The following ANTXR1 variants were observed in gnomAD, a reference collection of about 807,000 sequenced individuals.
The protein encoded by ANTXR1 is ANTXR cell adhesion molecule 1.
Under a neutral mutation model 78.1 loss-of-function variants are expected in ANTXR1, and 19 were observed. The observed-to-expected ratio is 0.24, with a 90% CI of 0.17 to 0.36. ANTXR1 has a LOEUF of 0.36. Ranked by LOEUF, ANTXR1 falls within the 10% of genes least tolerant of loss-of-function variation. The pLI is 1.00. For missense variants in ANTXR1, 518 were observed against 718.6 expected (o/e 0.72, Z 3.19); for synonymous variants, 273 against 260.5 (o/e 1.05, Z -0.46).
intron 17 of ANTXR1, among the ~76,000 whole-genome samples, chr2:69,202,154 AC>A (rs1421045219): frequency 6.6e-6 from 1 of 152,076 alleles, no homozygotes; most frequent in African/African-American, 2.4e-5. Flanking sequence ...TAAGCACTGA[AC>A]CCTGAGGGTC....
intron 6 of ANTXR1, among the ~76,000 whole-genome samples, chr2:69,073,642 C>A (rs1349016517): frequency 6.6e-6 from 1 of 152,038 alleles, no homozygotes; most frequent in African/African-American, 2.4e-5. Context: ...AAAAATTATT[C>A]CTCAAGGCAA....
At chr2:69,224,540 G>C (rs879311426) in intron 17 of ANTXR1, among the ~76,000 whole-genome samples, 1 of 152,010 alleles carries the variant, frequency 6.6e-6, no homozygotes, top group Non-Finnish European at 1.5e-5. Flanking sequence ...CTACTTCCAA[G>C]TTTCAGAACT....
chr2:69,178,453 T>A (rs1027664866), intron 14 of ANTXR1, among the ~76,000 whole-genome samples: 2 of 152,142 alleles, frequency 1.3e-5, no homozygotes, highest in Non-Finnish European at 2.9e-5. Flanking sequence ...CATTTCCTGT[T>A]GCGAGAAGGC....
At chr2:69,047,157 A>C (rs1404404236) in intron 3 of ANTXR1, among the ~76,000 whole-genome samples, 2 of 152,162 alleles carry the variant, frequency 1.3e-5, no homozygotes, top group African/African-American at 4.8e-5. Flanking sequence ...ACTTGAGTGC[A>C]TGGATTTGGT....
intron 8 of ANTXR1, among the ~76,000 whole-genome samples, chr2:69,084,263 G>A (rs1184622448): frequency 6.6e-6 from 1 of 152,200 alleles, no homozygotes; most frequent in African/African-American, 2.4e-5. Flanking sequence ...CTGCAGACAT[G>A]AGAAGAAAGT....
At chr2:69,036,020 T>C (rs772864199) in intron 1 of ANTXR1, among the ~76,000 whole-genome samples, 1 of 152,248 alleles carries the variant, frequency 6.6e-6, no homozygotes, top group Admixed American at 6.5e-5. Flanking sequence ...GGTGACACTT[T>C]TCAATAAGTA....
At chr2:69,171,147 A>C (rs1673972511) in intron 14 of ANTXR1, among the ~76,000 whole-genome samples, 1 of 152,258 alleles carries the variant, frequency 6.6e-6, no homozygotes, top group Admixed American at 6.5e-5. Context: ...ATCAAGTGCC[A>C]GTTCCTCACC....
chr2:69,235,478 T>C (rs1675734280), intron 17 of ANTXR1, among the ~76,000 whole-genome samples: 1 of 151,820 alleles, frequency 6.6e-6, no homozygotes, highest in East Asian at 2.0e-4. Context: ...GGTGAAACCC[T>C]GTCTCTACCA....
At chr2:69,104,835 G>A (rs1290588106) in intron 10 of ANTXR1, among the ~76,000 whole-genome samples, 1 of 152,212 alleles carries the variant, frequency 6.6e-6, no homozygotes, top group Non-Finnish European at 1.5e-5. Flanking sequence ...TGTAATCCCA[G>A]CACTTTGGGA....
intron 3 of ANTXR1, among the ~76,000 whole-genome samples, chr2:69,064,873 G>T (rs757440778): frequency 3.9e-5 from 6 of 152,162 alleles, no homozygotes; most frequent in Middle Eastern, 3.2e-3. Context: ...GTGGGATGCA[G>T]CTAAAGTCAC....
chr2:69,182,395 T>C (rs183784032), intron 15 of ANTXR1, 98 bp from the exon 16 acceptor site: 44 of 1,415,082 alleles, frequency 3.1e-5, no homozygotes, highest in Non-Finnish European at 2.0e-6. Flanking sequence ...CAGGGTTGGG[T>C]AGCATTCACA....
At chr2:69,080,574 C>G (rs1573852326) in intron 8 of ANTXR1, among the ~76,000 whole-genome samples, 1 of 152,180 alleles carries the variant, frequency 6.6e-6, no homozygotes, top group Non-Finnish European at 1.5e-5. Flanking sequence ...TTATGGCAGG[C>G]TCTGACCATT....
chr2:69,075,665 T>C lies in ANTXR1; in HGVS notation c.561+7T>C, dbSNP rs552435676. The stretch of plus-strand genomic sequence containing the variant: ...AGATTTCAATGAGACACAGGTATGG[T>C]AATGGATTTCCTCAGGTTTGGAGCA... On this transcript the variant is annotated splice_region_variant and intron_variant, in intron 7 of 17. Coordinates refer to ENST00000303714, the MANE Select transcript of ANTXR1 (RefSeq NM_032208.3). 9.7e-5 allele frequency: 157 copies of C among 1,613,784 alleles called. No individual in the cohort carries two copies. The Middle Eastern group carries it at 9.9e-4, about 10-fold the overall frequency.
chr2:69,158,703 G>C (rs1056892082), intron 13 of ANTXR1, among the ~76,000 whole-genome samples: 3 of 152,164 alleles, frequency 2.0e-5, no homozygotes, highest in Admixed American at 2.0e-4. Flanking sequence ...TTATAAAATA[G>C]GCTTTGTGTT....
chr2:69,014,881 T>A (rs1422017204), intron 1 of ANTXR1, among the ~76,000 whole-genome samples: 1 of 152,202 alleles, frequency 6.6e-6, no homozygotes, highest in Non-Finnish European at 1.5e-5. Flanking sequence ...TGAGATTTCT[T>A]TTCTGCAGAT....
At chr2:69,075,474 C>T in intron 6 of ANTXR1, 116 bp from the exon 7 acceptor site, 1 of 984,382 alleles carries the variant, frequency 1.0e-6, no homozygotes, top group Non-Finnish European at 1.6e-6. Context: ...AGTATGGCAC[C>T]AGGCACATGG....
At chr2:69,022,777 A>G (rs1671231702) in intron 1 of ANTXR1, among the ~76,000 whole-genome samples, 1 of 152,210 alleles carries the variant, frequency 6.6e-6, no homozygotes, top group Admixed American at 6.5e-5. Flanking sequence ...TGGCCTTATG[A>G]TGAGGATATA....
rs1015979417 is a variant in ANTXR1, at chr2:69,194,835, A to T, written c.1434+1420A>T. ...ACCACTGCTCCAGCCTGGGCGACAG[A>T]ATGAGACTCTGTCTCAAAAAATAAA... is the stretch of plus-strand genomic sequence containing the variant. On this transcript the variant is annotated intron_variant, in intron 17 of 17. Transcript: ENST00000303714. 3.3e-5 allele frequency among the ~76,000 whole-genome samples: 5 copies of T among 150,568 alleles called. No homozygotes were observed. In the East Asian group the frequency reaches 9.9e-4, roughly 30 times the overall value.
chr2:69,021,581 G>A (rs1671192385), intron 1 of ANTXR1, among the ~76,000 whole-genome samples: 1 of 152,168 alleles, frequency 6.6e-6, no homozygotes, highest in Non-Finnish European at 1.5e-5. Flanking sequence ...TGCTGGCCAT[G>A]AAATGCTCCA....
Sources: allele counts gnomAD v4.1 joint callset (sites outside exome capture counted in the v4.1 genomes callset), GRCh38; gene constraint gnomAD v4.1.1; transcripts MANE v1.5; gene names NCBI Gene and HGNC (gene_info 2026-07-23, HGNC 2026-07-21).